FRMD4A: variants seen among roughly 807,000 people sequenced by gnomAD.
FRMD4A encodes FERM domain-containing protein 4A.
In FRMD4A, 29 loss-of-function variants were observed where a neutral mutation model predicts 129.1. That is an observed-to-expected ratio of 0.22 (90% CI 0.17 to 0.31). The LOEUF (loss-of-function observed/expected upper bound fraction) is 0.31, where lower values mean the gene tolerates loss of function less well. Among genes scored for constraint, FRMD4A ranks in the 10% least tolerant of loss-of-function variants. The probability of loss-of-function intolerance (pLI) is 1.00; values close to 1 mark genes in which losing one functional copy is unlikely to be tolerated. For missense variants in FRMD4A, 1,272 were observed against 1,375.8 expected (o/e 0.92, Z 1.19); for synonymous variants, 634 against 571.6 (o/e 1.11, Z -1.56).
At chr10:13,933,421 G>A (rs2095220192) in intron 2 of FRMD4A, among the ~76,000 whole-genome samples, 1 of 152,172 alleles carries the variant, frequency 6.6e-6, no homozygotes. Context: ...CCACACTGTG[G>A]AGTATAATTT....
chr10:13,804,897 C>T (rs1564832207), intron 4 of FRMD4A, among the ~76,000 whole-genome samples: 1 of 151,824 alleles, frequency 6.6e-6, no homozygotes. Flanking sequence ...AATCAGACTC[C>T]CCAGACAGCA....
intron 2 of FRMD4A, among the ~76,000 whole-genome samples, chr10:14,164,888 T>C (rs57044951): frequency 0.033 from 5,082 of 152,300 alleles, 302 homozygotes; most frequent in African/African-American, 0.12. Flanking sequence ...TTCATTTTTT[T>C]CTCTTTTGCT....
At position 13,753,508 on chromosome 10, in the gene FRMD4A, T is replaced by C. The variant is rs1007396160; in HGVS notation, c.465-5689A>G. On this transcript the variant is annotated intron_variant, in intron 8 of 24. Coordinates refer to ENST00000357447, the MANE Select transcript of FRMD4A (RefSeq NM_018027.5). ...TACCAACTGTTTGTTGGGGGCAACATTGCAAACACATTGATGAAATATGTA... is the reference window on the plus strand; with the variant it reads ...TACCAACTGTTTGTTGGGGGCAACACTGCAAACACATTGATGAAATATGTA... Among the ~76,000 whole-genome samples, 3 of 152,058 alleles carry C rather than the reference T, an allele frequency of 2.0e-5. No individual in the cohort carries two copies. In the East Asian group the frequency reaches 5.8e-4, roughly 29 times the overall value.
chr10:14,202,425 G>T (rs1042007925), intron 2 of FRMD4A, among the ~76,000 whole-genome samples: 5 of 152,038 alleles, frequency 3.3e-5, no homozygotes, highest in African/African-American at 1.2e-4. Context: ...TTTTTGAGAT[G>T]GAGTCTCGCT....
chr10:13,937,107 G>C (rs1253750541), intron 2 of FRMD4A, among the ~76,000 whole-genome samples: 2 of 152,308 alleles, frequency 1.3e-5, no homozygotes, highest in Non-Finnish European at 1.5e-5. Flanking sequence ...ATGTTCTCTG[G>C]GGGTGACATT....
chr10:14,003,189 G>A (rs139821238), intron 2 of FRMD4A, among the ~76,000 whole-genome samples: 194 of 152,288 alleles, frequency 1.3e-3, no homozygotes, highest in Admixed American at 1.8e-3. Context: ...GCTGCACCAC[G>A]GAATAGAGGA....
chr10:13,674,712 T>C (rs2083824062), intron 16 of FRMD4A, among the ~76,000 whole-genome samples, 199 bp downstream of exon 16: 1 of 152,182 alleles, frequency 6.6e-6, no homozygotes, highest in African/African-American at 2.4e-5. Flanking sequence ...ATTAGAGAGG[T>C]TTGGATGTTT....
At chr10:13,851,311 C>A (rs1430327377) in intron 3 of FRMD4A, among the ~76,000 whole-genome samples, 2 of 152,246 alleles carry the variant, frequency 1.3e-5, no homozygotes, top group African/African-American at 2.4e-5. Flanking sequence ...TAACCCCAAA[C>A]AATTCGATTG....
At chr10:14,263,258 G>A (rs964798582) in intron 2 of FRMD4A, among the ~76,000 whole-genome samples, 1 of 152,198 alleles carries the variant, frequency 6.6e-6, no homozygotes, top group Non-Finnish European at 1.5e-5. Context: ...TCTGGGTGAA[G>A]CTCCTGCTTC....
chr10:13,886,316 T>C (rs759507200), intron 2 of FRMD4A, among the ~76,000 whole-genome samples: 1 of 151,106 alleles, frequency 6.6e-6, no homozygotes, highest in Non-Finnish European at 1.5e-5. Flanking sequence ...ATGAACAGGC[T>C]AATCCCACAG....
intron 2 of FRMD4A, among the ~76,000 whole-genome samples, chr10:14,184,954 C>A (rs752631349): frequency 2.9e-4 from 44 of 150,974 alleles, no homozygotes; most frequent in Non-Finnish European, 5.0e-4. Context: ...CCTTTCATGT[C>A]TGAATTTGTT....
chr10:14,213,679 T>TC (rs1184007581), intron 2 of FRMD4A, among the ~76,000 whole-genome samples: 1 of 152,180 alleles, frequency 6.6e-6, no homozygotes, highest in Admixed American at 6.5e-5. Context: ...TCTGTATAAA[T>TC]CCCACCCTCA....
At chr10:13,988,527 A>G (rs183674847) in intron 2 of FRMD4A, among the ~76,000 whole-genome samples, 43 of 152,340 alleles carry the variant, frequency 2.8e-4, no homozygotes, top group African/African-American at 1.0e-3. Flanking sequence ...AAGTGTTTGC[A>G]TAAAATAGCT....
chr10:13,950,958 C>T (rs923397530), intron 2 of FRMD4A, among the ~76,000 whole-genome samples: 2 of 152,056 alleles, frequency 1.3e-5, no homozygotes, highest in South Asian at 2.1e-4. Flanking sequence ...TACTGAGATT[C>T]GAAGGGAGTA....
At chr10:13,713,125 C>CTGAGTCACCA (rs1482045494) in intron 12 of FRMD4A, among the ~76,000 whole-genome samples, 2 of 152,192 alleles carry the variant, frequency 1.3e-5, no homozygotes, top group African/African-American at 4.8e-5. Flanking sequence ...GCCCCTGAGG[C>CTGAGTCACCA]TGAGTCACCA....
Position 13,829,394 on chromosome 10 carries a change from G to C in FRMD4A, c.112-18486C>G, listed in dbSNP as rs115370637. ...AAAAAAATTAGCTGGGTGTGGTGCC[G>C]TGTGCCTGTGGTCCCAGCACAGGAG... On this transcript the variant is annotated intron_variant, in intron 3 of 24. Transcript: ENST00000357447. Among the ~76,000 whole-genome samples, 671 of 152,170 alleles carry C rather than the reference G, an allele frequency of 4.4e-3. 5 individuals are homozygous for C. The highest frequency in any genetic ancestry group is 0.015 in the African/African-American group (636 of 41,522).
chr10:14,203,787 C>T (rs187363523), intron 2 of FRMD4A, among the ~76,000 whole-genome samples: 6 of 152,272 alleles, frequency 3.9e-5, no homozygotes, highest in African/African-American at 9.6e-5. Flanking sequence ...ACTTGCTATC[C>T]GATTAGAACT....
At chr10:14,058,432 G>C (rs1834646032) in intron 2 of FRMD4A, among the ~76,000 whole-genome samples, 1 of 152,200 alleles carries the variant, frequency 6.6e-6, no homozygotes, top group South Asian at 2.1e-4. Flanking sequence ...CAAACCACTG[G>C]CAGGCAATGG....
At chr10:14,317,979 G>A (rs117731650) in intron 2 of FRMD4A, among the ~76,000 whole-genome samples, 4 of 152,220 alleles carry the variant, frequency 2.6e-5, no homozygotes, top group East Asian at 1.9e-4. Context: ...TTTCCCTGCC[G>A]TTGGTGCTTC....
Sources: allele counts gnomAD v4.1 joint callset (sites outside exome capture counted in the v4.1 genomes callset), GRCh38; gene constraint gnomAD v4.1.1; transcripts MANE v1.5; gene names NCBI Gene and HGNC (gene_info 2026-07-23, HGNC 2026-07-21).